The following PLCB1 variants were observed in gnomAD, a reference collection of about 807,000 sequenced individuals.
PLCB1 encodes phospholipase C beta 1, also known as 1-phosphatidylinositol 4,5-bisphosphate phosphodiesterase beta-1.
PLCB1 carries 46 observed loss-of-function variants against 161.8 expected under a neutral mutation model. That is an observed-to-expected ratio of 0.28 (90% CI 0.22 to 0.36). The LOEUF is 0.36. Among genes scored for constraint, PLCB1 ranks in the 10% least tolerant of loss-of-function variants. The pLI is 1.00. For missense variants in PLCB1, 1,016 were observed against 1,472.5 expected (o/e 0.69, Z 5.07); for synonymous variants, 517 against 503.7 (o/e 1.03, Z -0.35).
intron 3 of PLCB1, among the ~76,000 whole-genome samples, chr20:8,585,291 C>G (rs923760834): frequency 2.6e-5 from 4 of 152,168 alleles, no homozygotes; most frequent in Admixed American, 1.3e-4. Flanking sequence ...GGAGCCAGAG[C>G]CACCATGCTG....
chr20:8,702,255 G>A (rs1978409150), intron 11 of PLCB1, among the ~76,000 whole-genome samples: 1 of 152,056 alleles, frequency 6.6e-6, no homozygotes, highest in South Asian at 2.1e-4. Context: ...CCTTCCTGGT[G>A]GCCATGACAT....
chr20:8,193,015 G>A (rs183680246), intron 2 of PLCB1, among the ~76,000 whole-genome samples: 24 of 152,088 alleles, frequency 1.6e-4, no homozygotes, highest in African/African-American at 5.8e-4. Flanking sequence ...TGCACATCTT[G>A]CCATAGTGAA....
chr20:8,506,135 G>A (rs764739696), intron 3 of PLCB1, among the ~76,000 whole-genome samples: 3 of 152,154 alleles, frequency 2.0e-5, no homozygotes, highest in Non-Finnish European at 4.4e-5. Context: ...GAGCCAACAT[G>A]GTATGATCTG....
intron 14 of PLCB1, among the ~76,000 whole-genome samples, chr20:8,719,260 A>T (rs78187020): frequency 1.3e-5 from 2 of 152,334 alleles, no homozygotes; most frequent in East Asian, 3.9e-4. Flanking sequence ...CAGTGTCTAC[A>T]AAAGCTGAAT....
rs1176072905 is a variant in PLCB1 at position 8,683,404 on chromosome 20, A to AG, written c.863-1528_863-1527insG. ...AAAAACTGTTTCAACAAGAAAAAAA[A>AG]AAGAAATGCTACCCTCCGACATTTG... On this transcript the variant is annotated intron_variant, in intron 9 of 31. Transcript: ENST00000338037. 2.0e-5 allele frequency among the ~76,000 whole-genome samples: 3 copies of AG among 151,840 alleles called. No homozygotes were observed. The East Asian group carries it at 5.8e-4, about 29-fold the overall frequency.
chr20:8,665,938 A>G (rs1989800251), intron 9 of PLCB1, among the ~76,000 whole-genome samples: 1 of 152,156 alleles, frequency 6.6e-6, no homozygotes, highest in African/African-American at 2.4e-5. Context: ...AATGTAGCAG[A>G]CACCTGTGCT....
At chr20:8,174,865 A>G (rs1337640816) in intron 2 of PLCB1, among the ~76,000 whole-genome samples, 1 of 152,118 alleles carries the variant, frequency 6.6e-6, no homozygotes, top group African/African-American at 2.4e-5. Context: ...CCTGGCCAAG[A>G]TAGCAAATTC....
chr20:8,674,902 T>C (rs1421516880), intron 9 of PLCB1, among the ~76,000 whole-genome samples: 3 of 152,204 alleles, frequency 2.0e-5, no homozygotes, highest in East Asian at 1.9e-4. Context: ...GGAGGAAATA[T>C]GTCAACTCTC....
At chr20:8,632,035 C>CTTTTTTTTTTGTT (rs1988608621) in intron 4 of PLCB1, among the ~76,000 whole-genome samples, 6 of 45,980 alleles carry the variant, frequency 1.3e-4, no homozygotes, top group African/African-American at 6.0e-4. Context: ...GTTTTTTTTG[C>CTTTTTTTTTTGTT]TTTTTTTTTT....
intron 23 of PLCB1, chr20:8,750,865 C>T (rs771331014): frequency 1.2e-5 from 17 of 1,365,220 alleles, no homozygotes; most frequent in Middle Eastern, 2.1e-4. Flanking sequence ...AAACTGATGG[C>T]CTTACCTCTT....
chr20:8,301,598 C>T (rs184152509), intron 2 of PLCB1, among the ~76,000 whole-genome samples: 1 of 152,290 alleles, frequency 6.6e-6, no homozygotes, highest in African/African-American at 2.4e-5. Context: ...CATGCAACTC[C>T]TGCTGCCACT....
At chr20:8,644,692 C>G (rs573123457) in intron 4 of PLCB1, among the ~76,000 whole-genome samples, 104 of 151,664 alleles carry the variant, frequency 6.9e-4, no homozygotes, top group Non-Finnish European at 9.7e-4. Flanking sequence ...CCGCCCCGTC[C>G]GGGAGGGAGG....
At chr20:8,716,224 G>A in intron 12 of PLCB1, 40 bp from the exon 13 acceptor site, 6 of 1,465,642 alleles carry the variant, frequency 4.1e-6, no homozygotes, top group Non-Finnish European at 5.7e-6. Flanking sequence ...CTTTGGATAA[G>A]CCTCCCTACT....
At chr20:8,508,565 G>A (rs570414294) in intron 3 of PLCB1, among the ~76,000 whole-genome samples, 11 of 152,132 alleles carry the variant, frequency 7.2e-5, no homozygotes, top group East Asian at 5.8e-4. Context: ...ATGTAATACC[G>A]CAGAGGCTAG....
At chr20:8,455,747 A>C (rs1344710708) in intron 3 of PLCB1, among the ~76,000 whole-genome samples, 1 of 152,268 alleles carries the variant, frequency 6.6e-6, no homozygotes, top group Non-Finnish European at 1.5e-5. Context: ...CTGTGTGAGC[A>C]CATGGTTGGG....
chr20:8,623,758 C>G (rs901419121), intron 3 of PLCB1: 1 of 152,180 alleles, frequency 6.6e-6, no homozygotes, highest in Non-Finnish European at 1.5e-5. Context: ...AGAATATTCA[C>G]AGCACCATAT....
intron 15 of PLCB1, among the ~76,000 whole-genome samples, chr20:8,723,529 C>T (rs1479497652): frequency 6.6e-6 from 1 of 152,134 alleles, no homozygotes; most frequent in Non-Finnish European, 1.5e-5. Context: ...TCATTAAAAA[C>T]TCTATCAAAG....
intron 9 of PLCB1, among the ~76,000 whole-genome samples, chr20:8,661,866 G>C (rs1453975009): frequency 1.4e-5 from 2 of 142,546 alleles, no homozygotes; most frequent in Non-Finnish European, 3.0e-5. Flanking sequence ...TTCAGTGAAA[G>C]GCAAGAGGCT....
At chr20:8,554,164 G>T (rs894034547) in intron 3 of PLCB1, among the ~76,000 whole-genome samples, 1 of 151,688 alleles carries the variant, frequency 6.6e-6, no homozygotes. Context: ...GATATAAAAT[G>T]GTACAACTAC....
Sources: gnomAD v4.1 joint callset for allele counts (sites outside exome capture counted in the v4.1 genomes callset) on GRCh38, gnomAD v4.1.1 for gene constraint, MANE v1.5 for transcripts, NCBI Gene and HGNC (gene_info 2026-07-23, HGNC 2026-07-21) for gene names.